Variants in PIK3CG observed in about 807,000 individuals in gnomAD.
PIK3CG encodes phosphatidylinositol 4,5-bisphosphate 3-kinase catalytic subunit gamma isoform.
PIK3CG carries 55 observed loss-of-function variants against 102.3 expected under a neutral mutation model. The observed-to-expected ratio is 0.54, with a 90% CI of 0.43 to 0.67. The LOEUF is 0.67. PIK3CG is among the 30% of genes least tolerant of loss of function. The pLI is 0.00. For synonymous variants in PIK3CG, 552 were observed against 540.0 expected (o/e 1.02, Z -0.31); for missense variants, 1,258 against 1,391.8 (o/e 0.90, Z 1.53).
intron 9 of PIK3CG, 102 bp from the exon 10 acceptor site, chr7:106,886,033 C>T: frequency 9.8e-7 from 1 of 1,021,488 alleles, no homozygotes; most frequent in Non-Finnish European, 1.4e-6. Flanking sequence ...GTAAAAAATG[C>T]TTTCAACACA....
At position 106,884,348 on chromosome 7, in the gene PIK3CG, C is replaced by T; in HGVS notation, c.2872+82C>T. ...CATTTACTATTTTAACTCTAATTAA[C>T]TGTAAGTGTTCAGTTCAGTGGCATT... On this transcript the variant is annotated intron_variant, in intron 9 of 10. Coordinates refer to ENST00000496166, the MANE Select transcript of PIK3CG (RefSeq NM_001282426.2). The surrounding 1 kb of genome is among the most constrained non-coding windows in gnomAD (Gnocchi z 4.2). 1 of 900,384 alleles carries T rather than the reference C, an allele frequency of 1.1e-6. No individual in the cohort carries two copies. Among genetic ancestry groups the T allele is most frequent in the Non-Finnish European group, 1.8e-6 (1 of 559,370 alleles). 55.8% of individuals were successfully genotyped at this position (900,384 alleles called of 1,614,324 possible). A position where few individuals can be genotyped will look rare whatever the true frequency, so the allele number is the denominator to read the frequency against.
At position 106,874,531 on chromosome 7, in the gene PIK3CG, A is replaced by G. The variant is rs553653859; in HGVS notation, c.2288-169A>G. On this transcript the variant is annotated intron_variant, in intron 4 of 10. Transcript: ENST00000496166. The surrounding 1 kb of genome is among the most constrained non-coding windows in gnomAD (Gnocchi z 4.3). ...CACCTTAAGCCCAATGTATCTTGCC[A>G]CCTCATATGGTTAGCTCCTCAAAGG... 2.0e-5 allele frequency among the ~76,000 whole-genome samples: 3 copies of G among 152,274 alleles called. No homozygotes were observed. The highest frequency in any genetic ancestry group is 4.1e-4 in the South Asian group (2 of 4,822).
Position 106,872,207 on chromosome 7 carries a change from C to T in PIK3CG, c.1996-330C>T, listed in dbSNP as rs1054994662. On this transcript the variant is annotated intron_variant, in intron 2 of 10. Transcript: ENST00000496166. The surrounding 1 kb of genome is among the most constrained non-coding windows in gnomAD (Gnocchi z 5.3). ...ACAGTGTCTCCATCTTCCCCCTCTA[C>T]CCCTCCAACAAAACCAGTAAGACCT... is the stretch of plus-strand genomic sequence containing the variant. Among the ~76,000 whole-genome samples, 2 of 152,178 alleles carry T rather than the reference C, an allele frequency of 1.3e-5. No homozygotes were observed.
At position 106,907,262 on chromosome 7, in the gene PIK3CG, C is replaced by T. The variant is rs986264634; in HGVS notation, c.*1875C>T. On this transcript the variant is annotated 3_prime_UTR_variant, in exon 11 of 11. Coordinates refer to ENST00000496166, the MANE Select transcript of PIK3CG (RefSeq NM_001282426.2). ...TCTAATTCACAGCCAGAGTTGGAAG[C>T]CCTGCGTGGCCTTTGAAGGTCTAGA... 3.8e-5 allele frequency: 6 copies of T among 156,606 alleles called. No homozygotes were observed. Among genetic ancestry groups the T allele is most frequent in the African/African-American group, 1.4e-4 (6 of 41,590 alleles). The allele number at this position is 156,606 out of a possible 1,614,324, so 9.7% of individuals were successfully genotyped here.
rs1397446196 is a variant in PIK3CG at position 106,899,556 on chromosome 7, A to G, written c.3031-5553A>G. ...TGTTCCTTCAATACCTAGTTTATTG[A>G]GAGTTTTTAACATGAAAGGGTGTTG... is the stretch of plus-strand genomic sequence containing the variant. On this transcript the variant is annotated intron_variant, in intron 10 of 10. Transcript: ENST00000496166. This position sits in a 1 kb window ranked among gnomAD's most constrained non-coding sequence, Gnocchi z 4.6. Among the ~76,000 whole-genome samples the G allele has an allele frequency of 6.6e-6, 1 of 152,184 alleles. No homozygotes were observed. Among genetic ancestry groups the G allele is most frequent in the African/African-American group, 2.4e-5 (1 of 41,430 alleles).
Position 106,891,529 on chromosome 7 carries a change from T to C in PIK3CG, c.3030+5237T>C, listed in dbSNP as rs1466745570. On this transcript the variant is annotated intron_variant, in intron 10 of 10. Coordinates refer to ENST00000496166, the MANE Select transcript of PIK3CG (RefSeq NM_001282426.2). This position sits in a 1 kb window ranked among gnomAD's most constrained non-coding sequence, Gnocchi z 4.4. ...GAACAGGGCATGGAGTATATACACA[T>C]AGTGTACATTCAATACAGGACAGTG... Among the ~76,000 whole-genome samples the C allele has an allele frequency of 6.6e-6, 1 of 152,110 alleles. No homozygotes were observed. The highest frequency in any genetic ancestry group is 2.4e-5 in the African/African-American group (1 of 41,404).
chr7:106,896,001 A>G (rs1200271962), intron 10 of PIK3CG, among the ~76,000 whole-genome samples: 1 of 152,192 alleles, frequency 6.6e-6, no homozygotes, highest in Non-Finnish European at 1.5e-5. Context: ...GAATCTCGAC[A>G]CTGTGTTTGA....
rs1790397831 is a variant in PIK3CG at position 106,868,430 on chromosome 7, T to G, written c.869T>G (p.Phe290Cys). 6.2e-7 allele frequency: 1 copy of G among 1,614,014 alleles called. No homozygotes were observed. The highest frequency in any genetic ancestry group is 1.7e-5 in the Admixed American group (1 of 60,000). Residue 290 changes from phenylalanine to cysteine, a missense_variant, in exon 2 of 11, where the codon TTC becomes TGC. By Grantham distance (205) the Phe-to-Cys change is radical. This residue lies in a region of PIK3CG where 832 missense variants were observed against 787.5 expected (regional missense o/e 1.06). Coordinates refer to ENST00000496166, the MANE Select transcript of PIK3CG (RefSeq NM_001282426.2). The surrounding 1 kb of genome is among the most constrained non-coding windows in gnomAD (Gnocchi z 6.2). ...GTGGGCGAAACGCCCATCAAAAACT[T>G]CCAGTGGGTGAGGCACTGCCTCAAG... ...YLVGETPIKN[F>C]QWVRHCLKNG...
At chr7:106,871,291 CAT>C (rs1281534883) in intron 2 of PIK3CG, among the ~76,000 whole-genome samples, 1 of 152,208 alleles carries the variant, frequency 6.6e-6, no homozygotes, top group Non-Finnish European at 1.5e-5. Context: ...AAACTTAAAA[CAT>C]TGCGAAAATG....
At chr7:106,878,376 C>T (rs1223754021) in intron 5 of PIK3CG, among the ~76,000 whole-genome samples, 1 of 152,064 alleles carries the variant, frequency 6.6e-6, no homozygotes, top group African/African-American at 2.4e-5. Flanking sequence ...CTATGGAGCT[C>T]CTTGAATTTG....
At chr7:106,875,187 A>G (rs1011257701) in intron 5 of PIK3CG, among the ~76,000 whole-genome samples, 14 of 151,940 alleles carry the variant, frequency 9.2e-5, no homozygotes, top group Non-Finnish European at 2.1e-4. Context: ...CGTCTCTACT[A>G]AAAAATACAA....
Position 106,869,714 on chromosome 7 carries a change from G to A in PIK3CG, c.1995+158G>A, listed in dbSNP as rs556728377. Among the ~76,000 whole-genome samples the A allele has an allele frequency of 6.6e-6, 1 of 152,274 alleles. No homozygotes were observed. The highest frequency in any genetic ancestry group is 2.4e-5 in the African/African-American group (1 of 41,556). ...AAGCTGCCTCAAAAAGTAGTAAACT[G>A]TTCCATGTACATTTTTACTGTCTCG... On this transcript the variant is annotated intron_variant, in intron 2 of 10. Transcript: ENST00000496166. This position sits in a 1 kb window ranked among gnomAD's most constrained non-coding sequence, Gnocchi z 5.3.
At position 106,883,688 on chromosome 7, in the gene PIK3CG, T is replaced by G. The variant is rs1791006244; in HGVS notation, c.2761-467T>G. ...GTTTGGCTGTCGTTTAAAGTTCTGC[T>G]GCACAGGATTAGCACTTCTCATTTG... On this transcript the variant is annotated intron_variant, in intron 8 of 10. Transcript: ENST00000496166. The surrounding 1 kb of genome is among the most constrained non-coding windows in gnomAD (Gnocchi z 5.8). Among the ~76,000 whole-genome samples, 1 of 152,246 alleles carries G rather than the reference T, an allele frequency of 6.6e-6. No individual in the cohort carries two copies. Among genetic ancestry groups the G allele is most frequent in the Non-Finnish European group, 1.5e-5 (1 of 68,038 alleles).
In PIK3CG at chr7:106,874,825, C is replaced by T. The variant is rs1790668972; in HGVS notation, c.2391+22C>T. The T allele has an allele frequency of 6.7e-7, 1 of 1,481,528 alleles. No individual in the cohort carries two copies. Among genetic ancestry groups the T allele is most frequent in the Admixed American group, 1.7e-5 (1 of 58,974 alleles). 91.8% of individuals were successfully genotyped at this position (1,481,528 alleles called of 1,614,324 possible). Reference sequence around the variant, plus strand: ...GGCAGTAGGTATCACTTGGATGTCTCCATGTGGTCTTTATGTCTTGAAGAT... The same window carrying T: ...GGCAGTAGGTATCACTTGGATGTCTTCATGTGGTCTTTATGTCTTGAAGAT... On this transcript the variant is annotated intron_variant, in intron 5 of 10. Coordinates refer to ENST00000496166, the MANE Select transcript of PIK3CG (RefSeq NM_001282426.2). This position sits in a 1 kb window ranked among gnomAD's most constrained non-coding sequence, Gnocchi z 4.3.
At position 106,893,280 on chromosome 7, in the gene PIK3CG, G is replaced by A. The variant is rs1791313074; in HGVS notation, c.3030+6988G>A. 1.3e-5 allele frequency among the ~76,000 whole-genome samples: 2 copies of A among 152,120 alleles called. No individual in the cohort carries two copies. The highest frequency in any genetic ancestry group is 2.1e-4 in the South Asian group (1 of 4,830). On this transcript the variant is annotated intron_variant, in intron 10 of 10. Coordinates refer to ENST00000496166, the MANE Select transcript of PIK3CG (RefSeq NM_001282426.2). The surrounding 1 kb of genome is among the most constrained non-coding windows in gnomAD (Gnocchi z 4.4). ...AGTACTCACTATCTCTCCATGTTAT[G>A]CACTGGAAGATATCCTCAAAGAAGG...
At chr7:106,900,926 G>A (rs1016329223) in intron 10 of PIK3CG, among the ~76,000 whole-genome samples, 4 of 152,074 alleles carry the variant, frequency 2.6e-5, no homozygotes, top group African/African-American at 4.8e-5. Flanking sequence ...GGAGAGGTCC[G>A]CTGTTAGCCT....
rs1472088639 is a variant in PIK3CG at position 106,897,472 on chromosome 7, T to A, written c.3031-7637T>A. On this transcript the variant is annotated intron_variant, in intron 10 of 10. Coordinates refer to ENST00000496166, the MANE Select transcript of PIK3CG (RefSeq NM_001282426.2). This position sits in a 1 kb window ranked among gnomAD's most constrained non-coding sequence, Gnocchi z 4.6. ...GGGGTTTGTTGTACACATCATTTCG[T>A]CACCCAGGCATTAAGCCCAGTACCC... Among the ~76,000 whole-genome samples, 1 of 152,204 alleles carries A rather than the reference T, an allele frequency of 6.6e-6. No homozygotes were observed. Among genetic ancestry groups the A allele is most frequent in the Non-Finnish European group, 1.5e-5 (1 of 68,030 alleles).
At position 106,899,387 on chromosome 7, in the gene PIK3CG, T is replaced by C. The variant is rs2116601857; in HGVS notation, c.3031-5722T>C. 6.6e-6 allele frequency among the ~76,000 whole-genome samples: 1 copy of C among 152,346 alleles called. No individual in the cohort carries two copies. The highest frequency in any genetic ancestry group is 1.5e-5 in the Non-Finnish European group (1 of 68,026). ...CTTGCCTGATTGCTCTGGCCAGGAC[T>C]TCCAATACTATGTTGAATAGAAGTG... On this transcript the variant is annotated intron_variant, in intron 10 of 10. Coordinates refer to ENST00000496166, the MANE Select transcript of PIK3CG (RefSeq NM_001282426.2). The surrounding 1 kb of genome is among the most constrained non-coding windows in gnomAD (Gnocchi z 4.6).
At position 106,897,790 on chromosome 7, in the gene PIK3CG, G is replaced by A. The variant is rs115197531; in HGVS notation, c.3031-7319G>A. ...TTTAATCAGCCTATCATTGATGGGC[G>A]TTTAGGTTGATTCTGTGTCTTTGCT... is the stretch of plus-strand genomic sequence containing the variant. On this transcript the variant is annotated intron_variant, in intron 10 of 10. Coordinates refer to ENST00000496166, the MANE Select transcript of PIK3CG (RefSeq NM_001282426.2). The surrounding 1 kb of genome is among the most constrained non-coding windows in gnomAD (Gnocchi z 4.6). Among the ~76,000 whole-genome samples, 2,561 of 152,198 alleles carry A rather than the reference G, an allele frequency of 0.017. 78 individuals carry two copies. Among genetic ancestry groups the A allele is most frequent in the African/African-American group, 0.058 (2,423 of 41,530 alleles).
Sources: gnomAD v4.1 joint callset for allele counts (sites outside exome capture counted in the v4.1 genomes callset) on GRCh38, gnomAD v4.1.1 for gene constraint, gnomAD v4.1.1 regional missense constraint, Gnocchi (gnomAD v3.1) non-coding constraint, MANE v1.5 for transcripts, NCBI Gene and HGNC (gene_info 2026-07-23, HGNC 2026-07-21) for gene names.